Variants in NKD1 observed in about 807,000 individuals in gnomAD.
NKD1 encodes the protein protein naked cuticle homolog 1.
NKD1 carries 21 observed loss-of-function variants against 56.0 expected under a neutral mutation model. That is an observed-to-expected ratio of 0.38 (90% CI 0.27 to 0.54). NKD1 has a LOEUF of 0.54. Ranked by LOEUF, NKD1 falls within the 20% of genes least tolerant of loss-of-function variation. The pLI is 0.82. For synonymous variants in NKD1, 263 were observed against 265.7 expected (o/e 0.99, Z 0.10); for missense variants, 578 against 642.7 (o/e 0.90, Z 1.09).
At chr16:50,602,189 C>A (rs570529987) in intron 3 of NKD1, among the ~76,000 whole-genome samples, 1 of 152,300 alleles carries the variant, frequency 6.6e-6, no homozygotes, top group South Asian at 2.1e-4. Flanking sequence ...GATAACAGGT[C>A]CGCAGGGGAG....
At chr16:50,559,657 G>A (rs1960579752) in intron 3 of NKD1, among the ~76,000 whole-genome samples, 1 of 152,136 alleles carries the variant, frequency 6.6e-6, no homozygotes, top group South Asian at 2.1e-4. Context: ...CTTGCCGCAA[G>A]TCTTCCATGA....
chr16:50,573,966 CA>C (rs1349911096), intron 3 of NKD1: 8 of 976,518 alleles, frequency 8.2e-6, no homozygotes, highest in Non-Finnish European at 9.7e-6. Flanking sequence ...ATGTATATGA[CA>C]TATATGTATG....
At chr16:50,549,917 G>C (rs185987591) in intron 3 of NKD1, among the ~76,000 whole-genome samples, 5 of 152,218 alleles carry the variant, frequency 3.3e-5, no homozygotes, top group East Asian at 1.9e-4. Context: ...TAGAGAGAAG[G>C]GGGTATTAGG....
chr16:50,597,593 T>A, intron 3 of NKD1, among the ~76,000 whole-genome samples: 1 of 152,184 alleles, frequency 6.6e-6, no homozygotes, highest in African/African-American at 2.4e-5. Context: ...AGAAACATTC[T>A]GGAAAACGCA....
intron 3 of NKD1, among the ~76,000 whole-genome samples, chr16:50,554,940 A>G (rs1960470505): frequency 1.3e-5 from 2 of 152,334 alleles, no homozygotes; most frequent in African/African-American, 4.8e-5. Context: ...TTATGAATTA[A>G]TAAGTCCCTA....
chr16:50,561,632 G>A (rs577440783), intron 3 of NKD1, among the ~76,000 whole-genome samples: 42 of 152,280 alleles, frequency 2.8e-4, no homozygotes, highest in African/African-American at 7.7e-4. Context: ...CTCACAGTAT[G>A]GCAGTCTCAG....
Position 50,640,110 on chromosome 16 carries a change from GAGGT to G in NKD1, c.*6337_*6340del. On this transcript the variant is annotated 3_prime_UTR_variant, in exon 10 of 10. Coordinates refer to ENST00000268459, the MANE Select transcript of NKD1 (RefSeq NM_033119.5). The stretch of plus-strand genomic sequence containing the variant: ...TTCCCCAGCCTCTACATCAGGGAGA[GAGGT>G]AGGTAGGGAGGAGCATTCAAGGATT... 1 of 152,356 alleles carries G rather than the reference GAGGT, an allele frequency of 6.6e-6. No individual in the cohort carries two copies. Among genetic ancestry groups the G allele is most frequent in the East Asian group, 1.9e-4 (1 of 5,178 alleles). The allele number at this position is 152,356 out of a possible 1,614,324, so 9.4% of individuals were successfully genotyped here. A position where few individuals can be genotyped will look rare whatever the true frequency, so the allele number is the denominator to read the frequency against.
intron 5 of NKD1, among the ~76,000 whole-genome samples, chr16:50,622,459 T>C (rs905704975): frequency 1.6e-4 from 24 of 152,088 alleles, no homozygotes; most frequent in African/African-American, 5.8e-4. Context: ...TGCATGGAGC[T>C]TCCCCACTGC....
rs373552786 is a variant in NKD1, at chr16:50,621,736, G to C, written c.366+28G>C. The C allele has an allele frequency of 5.7e-5, 89 of 1,550,302 alleles. No homozygotes were observed. The African/African-American group carries it at 8.9e-4, about 16-fold the overall frequency. On this transcript the variant is annotated intron_variant, in intron 5 of 9. Coordinates refer to ENST00000268459, the MANE Select transcript of NKD1 (RefSeq NM_033119.5). ...AAGTTTCCTTTTGGTGCTGGGTCCT[G>C]AGGAGATGAGATGGGTTTTCTCAGC...
chr16:50,571,358 C>A, intron 3 of NKD1: 1 of 362,364 alleles, frequency 2.8e-6, no homozygotes, highest in Non-Finnish European at 3.8e-6. Context: ...AGCAGCTGGC[C>A]GCACAGCCTG....
In NKD1 at chr16:50,635,021, G is replaced by A. The variant is rs1366261902; in HGVS notation, c.*1240G>A. 2 of 152,224 alleles carry A rather than the reference G, an allele frequency of 1.3e-5. No homozygotes were observed. The highest frequency in any genetic ancestry group is 2.9e-5 in the Non-Finnish European group (2 of 68,058). The allele number at this position is 152,224 out of a possible 1,614,324, so 9.4% of individuals were successfully genotyped here. A position where few individuals can be genotyped will look rare whatever the true frequency, so the allele number is the denominator to read the frequency against. ...AAAAAGAACCAGTCAGCTAGCCAGG[G>A]TCTCAGAGAAAAGCAGATTACACAC... On this transcript the variant is annotated 3_prime_UTR_variant, in exon 10 of 10. Coordinates refer to ENST00000268459, the MANE Select transcript of NKD1 (RefSeq NM_033119.5). The surrounding 1 kb of genome is among the most constrained non-coding windows in gnomAD (Gnocchi z 4.1).
chr16:50,644,216 G>T lies in NKD1; in HGVS notation c.*10435G>T, dbSNP rs1191104289. 6.6e-6 allele frequency: 1 copy of T among 152,246 alleles called. No individual in the cohort carries two copies. Among genetic ancestry groups the T allele is most frequent in the African/African-American group, 2.4e-5 (1 of 41,466 alleles). 9.4% of individuals were successfully genotyped at this position (152,246 alleles called of 1,614,324 possible). A position where few individuals can be genotyped will look rare whatever the true frequency, so the allele number is the denominator to read the frequency against. ...TTCGTAAATACAGAATCCACGGAGG[G>T]TGAGGATCCACCGTATGTACTTATC... On this transcript the variant is annotated 3_prime_UTR_variant, in exon 10 of 10. Coordinates refer to ENST00000268459, the MANE Select transcript of NKD1 (RefSeq NM_033119.5).
chr16:50,603,534 T>C (rs1227240778), intron 3 of NKD1, among the ~76,000 whole-genome samples: 1 of 152,274 alleles, frequency 6.6e-6, no homozygotes, highest in Non-Finnish European at 1.5e-5. Context: ...ATCTGTAAGT[T>C]GTGCCGTGTT....
chr16:50,587,456 A>G (rs1283658032), intron 3 of NKD1, among the ~76,000 whole-genome samples: 2 of 152,208 alleles, frequency 1.3e-5, no homozygotes, highest in East Asian at 3.9e-4. Context: ...ATAGCCCAAC[A>G]TTGTATTACT....
Position 50,608,359 on chromosome 16 carries a change from A to T in NKD1, c.258A>T (p.Glu86Asp). ...SEEEEDDFRLEVALPPEKTDG... is the reference protein window; with the variant it reads ...SEEEEDDFRLDVALPPEKTDG... ...AAGAGGAGGACGACTTTCGGCTGGAAGGTATTCGGAGTCCATTGCTCTCTT... is the reference window on the plus strand; with the variant it reads ...AAGAGGAGGACGACTTTCGGCTGGATGGTATTCGGAGTCCATTGCTCTCTT... Residue 86 changes from glutamate to aspartate, a missense_variant and splice_region_variant, in exon 4 of 10, where the codon GAA becomes GAT. Glu to Asp is a conservative substitution (Grantham distance 45). Coordinates refer to ENST00000268459, the MANE Select transcript of NKD1 (RefSeq NM_033119.5). 6.2e-7 allele frequency: 1 copy of T among 1,609,218 alleles called. No individual in the cohort carries two copies. Among genetic ancestry groups the T allele is most frequent in the Non-Finnish European group, 8.5e-7 (1 of 1,176,388 alleles).
intron 3 of NKD1, chr16:50,573,998 CTA>C: frequency 1.0e-6 from 1 of 953,336 alleles, no homozygotes; most frequent in Non-Finnish European, 1.2e-6. Flanking sequence ...GCATGTGTGT[CTA>C]TATATACATA....
At position 50,637,563 on chromosome 16, in the gene NKD1, A is replaced by G. The variant is rs906278688; in HGVS notation, c.*3782A>G. 4 of 152,296 alleles carry G rather than the reference A, an allele frequency of 2.6e-5. 1 individual carries two copies. The highest frequency in any genetic ancestry group is 6.5e-5 in the Admixed American group (1 of 15,304). 9.4% of individuals were successfully genotyped at this position (152,296 alleles called of 1,614,324 possible). ...AGCCTGGGCGACAGAGTGAGACTCC[A>G]TCTCAAATAAATAAAGAGGTTATAC... On this transcript the variant is annotated 3_prime_UTR_variant, in exon 10 of 10. Coordinates refer to ENST00000268459, the MANE Select transcript of NKD1 (RefSeq NM_033119.5).
At chr16:50,589,847 T>A (rs1961326655) in intron 3 of NKD1, among the ~76,000 whole-genome samples, 1 of 142,200 alleles carries the variant, frequency 7.0e-6, no homozygotes, top group African/African-American at 2.6e-5. Flanking sequence ...TCTTCTCTTT[T>A]TTTTCCTTTT....
In NKD1 at chr16:50,633,231, G is replaced by A. The variant is rs773490633; in HGVS notation, c.863G>A (p.Arg288His). Residue 288 changes from arginine to histidine, a missense_variant, in exon 10 of 10, where the codon CGC becomes CAC. Coordinates refer to ENST00000268459, the MANE Select transcript of NKD1 (RefSeq NM_033119.5). This position sits in a 1 kb window ranked among gnomAD's most constrained non-coding sequence, Gnocchi z 4.9. Reference sequence around the variant, plus strand: ...GCCCAGAAGTCAGAACTGCCCCCCCGCACCTCCAATCCCACTCGATCTCGC... The same window carrying A: ...GCCCAGAAGTCAGAACTGCCCCCCCACACCTCCAATCCCACTCGATCTCGC... Reference protein sequence around the residue: ...SVAQKSELPPRTSNPTRSRSH... With the variant: ...SVAQKSELPPHTSNPTRSRSH... The A allele has an allele frequency of 3.7e-6, 6 of 1,611,852 alleles. No individual in the cohort carries two copies. The highest frequency in any genetic ancestry group is 3.3e-5 in the South Asian group (3 of 90,892).
Sources: gnomAD v4.1 joint callset for allele counts (sites outside exome capture counted in the v4.1 genomes callset) on GRCh38, gnomAD v4.1.1 for gene constraint, Gnocchi (gnomAD v3.1) non-coding constraint, MANE v1.5 for transcripts, NCBI Gene and HGNC (gene_info 2026-07-23, HGNC 2026-07-21) for gene names.